The following UNC13A variants were observed in gnomAD, a reference collection of about 807,000 sequenced individuals.
The protein encoded by UNC13A is protein unc-13 homolog A.
UNC13A carries 61 observed loss-of-function variants against 219.7 expected under a neutral mutation model. That is an observed-to-expected ratio of 0.28 (90% confidence interval 0.23 to 0.34). The LOEUF (loss-of-function observed/expected upper bound fraction) is 0.34, where lower values mean the gene tolerates loss of function less well. Ranked by LOEUF, UNC13A falls within the 10% of genes least tolerant of loss-of-function variation. The probability of loss-of-function intolerance (pLI) is 1.00; values close to 1 mark genes in which losing one functional copy is unlikely to be tolerated. For synonymous variants in UNC13A, 920 were observed against 884.6 expected, an observed-to-expected ratio of 1.04 and a Z score of -0.71; for missense variants, 1,476 against 2,270.3, an observed-to-expected ratio of 0.65 and a Z score of 7.11.
At chr19:17,681,569 C>T (rs1264945072) in intron 1 of UNC13A, among the ~76,000 whole-genome samples, 1 of 152,190 alleles carries the variant, frequency 6.6e-6, no homozygotes, top group African/African-American at 2.4e-5. Context: ...CACCAAGAAC[C>T]TGGAGTTCCA....
At chr19:17,606,395 CTG>C (rs2076530278) in intron 43 of UNC13A, 41 bp from the exon 44 acceptor site, 1 of 1,529,766 alleles carries the variant, frequency 6.5e-7, no homozygotes. Context: ...GCCACACCTA[CTG>C]TGATGCCCCG....
Position 17,636,293 on chromosome 19 carries a change from T to C in UNC13A, c.3082-136A>G, listed in dbSNP as rs113187246. 4.9e-4 allele frequency: 538 copies of C among 1,105,514 alleles called. No individual in the cohort carries two copies. In the African/African-American group the frequency reaches 7.5e-3, roughly 15 times the overall value. 68.5% of individuals were successfully genotyped at this position (1,105,514 alleles called of 1,614,324 possible). A position where few individuals can be genotyped will look rare whatever the true frequency, so the allele number is the denominator to read the frequency against. ...GTATGGTTCAGGTAAGAAATCTATA[T>C]AGAGAGGAATTGAACTCATAAACTG... On this transcript the variant is annotated intron_variant, in intron 25 of 43. Transcript: ENST00000519716.
chr19:17,687,055 T>C (rs1350131868), intron 1 of UNC13A, among the ~76,000 whole-genome samples: 1 of 152,102 alleles, frequency 6.6e-6, no homozygotes, highest in Non-Finnish European at 1.5e-5. Flanking sequence ...CAGAGCTCTG[T>C]AGGCGTGGAA....
At chr19:17,675,672 C>T (rs892777327) in intron 2 of UNC13A, among the ~76,000 whole-genome samples, 1 of 151,508 alleles carries the variant, frequency 6.6e-6, no homozygotes, top group Non-Finnish European at 1.5e-5. Flanking sequence ...AAAGAAACTC[C>T]TTTCGCCTCT....
chr19:17,653,843 T>G (rs2079398967), intron 11 of UNC13A, among the ~76,000 whole-genome samples: 1 of 122,332 alleles, frequency 8.2e-6, no homozygotes, highest in South Asian at 2.6e-4. Flanking sequence ...TTTTTTTTTT[T>G]TGAAATGGAG....
intron 9 of UNC13A, among the ~76,000 whole-genome samples, chr19:17,657,781 A>G (rs1420875921): frequency 1.3e-5 from 2 of 151,876 alleles, no homozygotes; most frequent in Non-Finnish European, 2.9e-5. Flanking sequence ...AGGCAGGAGA[A>G]TCGCTTGAGT....
chr19:17,647,592 A>T, intron 16 of UNC13A, 100 bp from the exon 17 acceptor site: 1 of 1,168,854 alleles, frequency 8.6e-7, no homozygotes, highest in Non-Finnish European at 1.2e-6. Context: ...GGGGGGACTC[A>T]GGTGTCACCC....
chr19:17,633,722 CA>C (rs1568515106), intron 26 of UNC13A, among the ~76,000 whole-genome samples: 3 of 151,622 alleles, frequency 2.0e-5, no homozygotes, highest in Non-Finnish European at 4.4e-5. Flanking sequence ...TTCACCTATC[CA>C]TCTATCTATT....
chr19:17,676,279 A>C (rs2079897703), intron 1 of UNC13A: 1 of 648,080 alleles, frequency 1.5e-6, no homozygotes, highest in East Asian at 2.9e-5. Context: ...CAGGGATGAG[A>C]GGGAGAGAGA....
At chr19:17,608,941 A>G (rs1054755473) in intron 43 of UNC13A, among the ~76,000 whole-genome samples, 1 of 147,668 alleles carries the variant, frequency 6.8e-6, no homozygotes, top group African/African-American at 2.5e-5. Context: ...GTGAGCCACC[A>G]TGCTCGGCCA....
At chr19:17,653,114 G>T (rs2079380284) in intron 11 of UNC13A, among the ~76,000 whole-genome samples, 1 of 152,042 alleles carries the variant, frequency 6.6e-6, no homozygotes, top group African/African-American at 2.4e-5. Context: ...GTAACTAAAG[G>T]GTTAACATGG....
intron 38 of UNC13A, among the ~76,000 whole-genome samples, chr19:17,619,377 TC>T (rs1221667567): frequency 6.6e-6 from 1 of 151,596 alleles, no homozygotes; most frequent in East Asian, 1.9e-4. Context: ...TCAAGGAGCA[TC>T]CCCTCTGCAG....
chr19:17,688,107 C>T, intron 1 of UNC13A, 71 bp downstream of exon 1: 1 of 1,500,676 alleles, frequency 6.7e-7, no homozygotes, highest in African/African-American at 1.4e-5. Flanking sequence ...CCCCTGGGAG[C>T]CGCATCCACG....
At position 17,627,439 on chromosome 19, in the gene UNC13A, A is replaced by G. The variant is rs375754976; in HGVS notation, c.3920+70T>C. On this transcript the variant is annotated intron_variant, in intron 33 of 43. Transcript: ENST00000519716. This position sits in a 1 kb window ranked among gnomAD's most constrained non-coding sequence, Gnocchi z 4.7. The stretch of plus-strand genomic sequence containing the variant: ...TCACCTCTACATCTGCTGAGCCTCC[A>G]GATGCCCCAGGCTTAGAGGGCTGAA... 2 of 1,232,862 alleles carry G rather than the reference A, an allele frequency of 1.6e-6. No individual in the cohort carries two copies. 76.4% of individuals were successfully genotyped at this position (1,232,862 alleles called of 1,614,324 possible).
At chr19:17,677,256 T>C (rs1052700639) in intron 1 of UNC13A, among the ~76,000 whole-genome samples, 7 of 152,082 alleles carry the variant, frequency 4.6e-5, no homozygotes, top group African/African-American at 1.7e-4. Flanking sequence ...CTCTCACACC[T>C]TGCTTTTGTC....
intron 7 of UNC13A, among the ~76,000 whole-genome samples, chr19:17,666,199 T>TCTCTCTTTCTTTC (rs760106069): frequency 1.5e-4 from 21 of 143,974 alleles, no homozygotes; most frequent in East Asian, 2.0e-4. Flanking sequence ...CTTTCTCTCT[T>TCTCTCTTTCTTTC]TCTTTCTCTT....
chr19:17,606,809 C>G (rs1194494100), intron 43 of UNC13A, among the ~76,000 whole-genome samples: 2 of 148,522 alleles, frequency 1.3e-5, no homozygotes, highest in African/African-American at 5.0e-5. Context: ...GCCCCCCACA[C>G]CCCCAGCCCA....
At chr19:17,650,268 CT>C (rs34695812) in intron 12 of UNC13A, among the ~76,000 whole-genome samples, 16 of 152,154 alleles carry the variant, frequency 1.1e-4, no homozygotes, top group Non-Finnish European at 2.4e-4. Flanking sequence ...AATCCCAACA[CT>C]TTGGGAGGCC....
At chr19:17,640,401 A>G in intron 22 of UNC13A, 110 bp downstream of exon 22, 2 of 1,355,438 alleles carry the variant, frequency 1.5e-6, no homozygotes, top group Non-Finnish European at 2.0e-6. Context: ...TGACTGGTGG[A>G]AAGTCACACA....
Sources: gnomAD v4.1 joint callset for allele counts (sites outside exome capture counted in the v4.1 genomes callset) on GRCh38, gnomAD v4.1.1 for gene constraint, Gnocchi (gnomAD v3.1) non-coding constraint, MANE v1.5 for transcripts, NCBI Gene and HGNC (gene_info 2026-07-23, HGNC 2026-07-21) for gene names.